Variants in TMTC1 observed in about 807,000 individuals in gnomAD.
TMTC1 encodes the protein transmembrane O-mannosyltransferase targeting cadherins 1, also known as protein O-mannosyl-transferase TMTC1.
A neutral mutation model predicts 104.8 loss-of-function variants in TMTC1; 73 were observed. The ratio of observed to expected loss-of-function variants is 0.70; its 90% CI spans 0.58 to 0.85. The LOEUF (loss-of-function observed/expected upper bound fraction) is 0.85. Among genes scored for constraint, TMTC1 ranks in the 40% least tolerant of loss-of-function variants. The probability of loss-of-function intolerance (pLI) is 0.00; values close to 1 mark genes in which losing one functional copy is unlikely to be tolerated. For synonymous variants in TMTC1, 434 were observed against 428.7 expected (o/e 1.01, Z -0.15); for missense variants, 1,035 against 1,096.1 (o/e 0.94, Z 0.79).
chr12:29,579,053 G>C (rs1219542952), intron 8 of TMTC1, among the ~76,000 whole-genome samples: 1 of 152,162 alleles, frequency 6.6e-6, no homozygotes, highest in Non-Finnish European at 1.5e-5. Context: ...CTGAAGCTCA[G>C]AGAGATTAAG....
chr12:29,762,780 A>G (rs1219356811), intron 2 of TMTC1, among the ~76,000 whole-genome samples: 1 of 152,246 alleles, frequency 6.6e-6, no homozygotes, highest in East Asian at 1.9e-4. Context: ...CAAGAGACGA[A>G]TGCAGTGACA....
At chr12:29,702,290 G>A (rs1167778767) in intron 5 of TMTC1, among the ~76,000 whole-genome samples, 1 of 152,106 alleles carries the variant, frequency 6.6e-6, no homozygotes, top group Non-Finnish European at 1.5e-5. Context: ...GGAATATATT[G>A]TCCACTGAAA....
At chr12:29,678,716 T>C (rs955802477) in intron 5 of TMTC1, among the ~76,000 whole-genome samples, 3 of 150,736 alleles carry the variant, frequency 2.0e-5, no homozygotes, top group African/African-American at 4.9e-5. Context: ...GAGAAATCTA[T>C]AAATTCATCT....
intron 1 of TMTC1, among the ~76,000 whole-genome samples, chr12:29,769,638 A>G (rs1943551325): frequency 6.6e-6 from 1 of 152,202 alleles, no homozygotes; most frequent in African/African-American, 2.4e-5. Flanking sequence ...GTTCCCTAAG[A>G]GTCCACCCCT....
chr12:29,512,365 T>G (rs1220627035), intron 16 of TMTC1, among the ~76,000 whole-genome samples: 1 of 152,254 alleles, frequency 6.6e-6, no homozygotes, highest in Non-Finnish European at 1.5e-5. Context: ...TGAGGATGCC[T>G]GCAGGGAATT....
At chr12:29,758,658 C>T (rs199590980) in intron 3 of TMTC1, 46 bp downstream of exon 3, 237 of 1,568,320 alleles carry the variant, frequency 1.5e-4, no homozygotes, top group Non-Finnish European at 1.9e-4. Flanking sequence ...TCTACACACA[C>T]GGCACAGTTG....
At position 29,569,158 on chromosome 12, in the gene TMTC1, C is replaced by T. The variant is rs1380181764; in HGVS notation, c.1532+2947G>A. On this transcript the variant is annotated intron_variant, in intron 9 of 17. Transcript: ENST00000539277. ...TCCAGGGGAGATTTCCCTTATACTACAGAAATATTATAAATGATGTAAAGA... is the reference window on the plus strand; with the variant it reads ...TCCAGGGGAGATTTCCCTTATACTATAGAAATATTATAAATGATGTAAAGA... Among the ~76,000 whole-genome samples, 4 of 152,100 alleles carry T rather than the reference C, an allele frequency of 2.6e-5. No homozygotes were observed. The East Asian group carries it at 7.7e-4, about 29-fold the overall frequency.
At chr12:29,764,791 G>T (rs1331574401) in intron 2 of TMTC1, among the ~76,000 whole-genome samples, 1 of 151,974 alleles carries the variant, frequency 6.6e-6, no homozygotes, top group Non-Finnish European at 1.5e-5. Context: ...TGTTACTATG[G>T]ATTTTTTTCA....
intron 5 of TMTC1, among the ~76,000 whole-genome samples, chr12:29,686,011 C>G (rs80072864): frequency 1.3e-5 from 2 of 151,760 alleles, no homozygotes; most frequent in Non-Finnish European, 2.9e-5. Context: ...CATTCCCACA[C>G]TCAACAGTTT....
chr12:29,717,308 C>A (rs950456299), intron 5 of TMTC1, among the ~76,000 whole-genome samples: 6 of 152,044 alleles, frequency 3.9e-5, no homozygotes, highest in Non-Finnish European at 8.8e-5. Flanking sequence ...AGTAAGTGGA[C>A]CAAAATGTTT....
intron 5 of TMTC1, 107 bp from the exon 6 acceptor site, chr12:29,633,443 T>C: frequency 1.1e-6 from 1 of 908,074 alleles, no homozygotes; most frequent in Middle Eastern, 2.9e-4. Flanking sequence ...CAGTCAATGT[T>C]ATCTTGGAGG....
In TMTC1 at chr12:29,783,584, C is replaced by T. The variant is rs1272028390; in HGVS notation, c.168G>A (p.Ala56=). ...GCCGCACGTCGGGGTTGTTCACGAT[C>T]GCCCACACGTCGTCGTGCACGAACT... The part of the protein sequence containing the change: ...QGEFVHDDVW[A]IVNNPDVRPG... The change falls in exon 1 of 18, where the codon GCG becomes GCA. Residue 56 remains alanine (A), a synonymous_variant. Coordinates refer to ENST00000539277, the MANE Select transcript of TMTC1 (RefSeq NM_001193451.2). This position sits in a 1 kb window ranked among gnomAD's most constrained non-coding sequence, Gnocchi z 4.7. The T allele has an allele frequency of 7.4e-6, 11 of 1,481,004 alleles. No individual in the cohort carries two copies. The highest frequency in any genetic ancestry group is 5.8e-5 in the African/African-American group (4 of 69,476). 91.7% of individuals were successfully genotyped at this position (1,481,004 alleles called of 1,614,324 possible).
chr12:29,711,439 T>C (rs78557888), intron 5 of TMTC1, among the ~76,000 whole-genome samples: 4,231 of 152,262 alleles, frequency 0.028, 195 homozygotes, highest in African/African-American at 0.096. Flanking sequence ...CTTAGACATA[T>C]TGATTTATAC....
At chr12:29,743,299 G>T (rs778467982) in intron 5 of TMTC1, among the ~76,000 whole-genome samples, 1 of 152,088 alleles carries the variant, frequency 6.6e-6, no homozygotes, top group African/African-American at 2.4e-5. Flanking sequence ...AACCTCATAC[G>T]TTTCGCAAGA....
At chr12:29,587,326 TTTC>T (rs1288882351) in intron 7 of TMTC1, among the ~76,000 whole-genome samples, 1 of 152,042 alleles carries the variant, frequency 6.6e-6, no homozygotes, top group Non-Finnish European at 1.5e-5. Flanking sequence ...TCCTCTCTCT[TTTC>T]TTCTTTATTT....
At chr12:29,644,123 G>A (rs1342239933) in intron 5 of TMTC1, among the ~76,000 whole-genome samples, 1 of 91,876 alleles carries the variant, frequency 1.1e-5, no homozygotes, top group Non-Finnish European at 2.1e-5. Context: ...GTGTGTGTGT[G>A]TGTGTGTGTG....
chr12:29,763,768 G>A (rs1943404267), intron 2 of TMTC1, among the ~76,000 whole-genome samples: 1 of 152,202 alleles, frequency 6.6e-6, no homozygotes, highest in Non-Finnish European at 1.5e-5. Flanking sequence ...GGAAGCTCAA[G>A]GTGAGGGAAT....
intron 5 of TMTC1, among the ~76,000 whole-genome samples, chr12:29,656,340 A>G (rs1397701655): frequency 6.9e-6 from 1 of 144,940 alleles, no homozygotes; most frequent in East Asian, 2.4e-4. Flanking sequence ...ATATATATAT[A>G]CACACATACA....
At chr12:29,695,118 A>G (rs76874913) in intron 5 of TMTC1, among the ~76,000 whole-genome samples, 3,449 of 152,182 alleles carry the variant, frequency 0.023, 79 homozygotes, top group Admixed American at 0.052. Flanking sequence ...TTCCAGCCAC[A>G]TCACTCCAAT....
Sources: gnomAD v4.1 joint callset for allele counts (sites outside exome capture counted in the v4.1 genomes callset) on GRCh38, gnomAD v4.1.1 for gene constraint, Gnocchi (gnomAD v3.1) non-coding constraint, MANE v1.5 for transcripts, NCBI Gene and HGNC (gene_info 2026-07-23, HGNC 2026-07-21) for gene names.